Variants in SLC39A12 observed in about 807,000 individuals in gnomAD.
SLC39A12 encodes the protein zinc transporter ZIP12.
A neutral mutation model predicts 71.1 loss-of-function variants in SLC39A12; 63 were observed. That is an observed-to-expected ratio of 0.89 (90% confidence interval 0.72 to 1.09). The LOEUF (loss-of-function observed/expected upper bound fraction) is 1.09. SLC39A12 is among the 50% of genes least tolerant of loss of function. SLC39A12 has a pLI of 0.00. For synonymous variants in SLC39A12, 351 were observed against 301.3 expected, an observed-to-expected ratio of 1.16 and a Z score of -1.71; for missense variants, 892 against 812.6, an observed-to-expected ratio of 1.10 and a Z score of -1.19.
chr10:17,979,360 T>A (rs913863396), intron 5 of SLC39A12, among the ~76,000 whole-genome samples: 11 of 152,182 alleles, frequency 7.2e-5, no homozygotes, highest in Admixed American at 6.5e-4. Flanking sequence ...TCTGAGAAGG[T>A]ATTGTAAAAC....
chr10:17,991,228 G>C lies in SLC39A12; in HGVS notation c.1347G>C (p.Met449Ile). ...HESKGHIWKLMGLIGGIHGFF... is the reference protein window; with the variant it reads ...HESKGHIWKLIGLIGGIHGFF... Reference sequence around the variant, plus strand: ...GCAAAGGTCATATTTGGAAACTGATGGGATTAATTGGAGGCATCCATGGAT... The same window carrying C: ...GCAAAGGTCATATTTGGAAACTGATCGGATTAATTGGAGGCATCCATGGAT... The change falls in exon 8 of 13, where the codon ATG becomes ATC. Residue 449 changes from methionine (M) to isoleucine (I), a missense_variant. Met to Ile is a conservative substitution (Grantham distance 10, BLOSUM62 1). Coordinates refer to ENST00000377369, the MANE Select transcript of SLC39A12 (RefSeq NM_001145195.2). The C allele has an allele frequency of 6.3e-7, 1 of 1,597,150 alleles. No homozygotes were observed. The highest frequency in any genetic ancestry group is 8.5e-7 in the Non-Finnish European group (1 of 1,173,454).
At chr10:18,023,729 T>C (rs528944180) in intron 12 of SLC39A12, among the ~76,000 whole-genome samples, 55 of 152,144 alleles carry the variant, frequency 3.6e-4, no homozygotes, top group African/African-American at 1.3e-3. Flanking sequence ...AGCCCAAGGG[T>C]AGCAAGGGTA....
intron 5 of SLC39A12, among the ~76,000 whole-genome samples, chr10:17,980,423 A>C (rs1308017969): frequency 1.3e-5 from 2 of 152,182 alleles, no homozygotes; most frequent in African/African-American, 4.8e-5. Flanking sequence ...ATCGCAACTA[A>C]AGATCACAAA....
chr10:17,995,474 C>T (rs949810099), intron 9 of SLC39A12, among the ~76,000 whole-genome samples, 182 bp from the exon 10 acceptor site: 8 of 152,194 alleles, frequency 5.3e-5, no homozygotes, highest in African/African-American at 1.9e-4. Context: ...GTGCAAAAGG[C>T]TTGCTTTGCC....
chr10:18,021,915 T>A (rs1009188810), intron 12 of SLC39A12, among the ~76,000 whole-genome samples: 2 of 152,198 alleles, frequency 1.3e-5, no homozygotes, highest in East Asian at 3.8e-4. Flanking sequence ...TGGTTGAAAT[T>A]TGTTTTCTTT....
rs35228459 is a variant in SLC39A12, at chr10:18,013,346, TTTATTATTATTA to T, written c.1947+10016_1947+10027del. 2.8e-3 allele frequency among the ~76,000 whole-genome samples: 398 copies of T among 139,828 alleles called. 3 individuals are homozygous for T. The highest frequency in any genetic ancestry group is 9.9e-3 in the African/African-American group (364 of 36,716). 91.7% of individuals were successfully genotyped at this position (139,828 alleles called of 152,430 possible). A position where few individuals can be genotyped will look rare whatever the true frequency, so the allele number is the denominator to read the frequency against. Reference sequence around the variant, plus strand: ...GGTATTAGGTAAACATCCAACTTTATTTATTATTATTATTATTATTATTATTATTATTATTAT... The same window carrying T: ...GGTATTAGGTAAACATCCAACTTTATTTATTATTATTATTATTATTATTAT... On this transcript the variant is annotated intron_variant, in intron 12 of 12. Coordinates refer to ENST00000377369, the MANE Select transcript of SLC39A12 (RefSeq NM_001145195.2).
intron 4 of SLC39A12, among the ~76,000 whole-genome samples, chr10:17,972,951 T>C (rs1835012898): frequency 6.6e-6 from 1 of 152,116 alleles, no homozygotes; most frequent in African/African-American, 2.4e-5. Context: ...TGATTTTCTC[T>C]GGTGTTATGA....
intron 4 of SLC39A12, among the ~76,000 whole-genome samples, chr10:17,969,138 T>C (rs1452109586): frequency 6.6e-6 from 1 of 152,204 alleles, no homozygotes; most frequent in Non-Finnish European, 1.5e-5. Flanking sequence ...TTTTTATGGC[T>C]GAATGGTATT....
chr10:18,015,331 G>C lies in SLC39A12; in HGVS notation c.1947+11973G>C, dbSNP rs148446313. On this transcript the variant is annotated intron_variant, in intron 12 of 12. Coordinates refer to ENST00000377369, the MANE Select transcript of SLC39A12 (RefSeq NM_001145195.2). ...TCATCAAAAGACTCTAAAAAATTGA[G>C]ATAAAAAATTAGCTGAATGCCTTAT... Among the ~76,000 whole-genome samples the C allele has an allele frequency of 2.6e-5, 4 of 151,988 alleles. No homozygotes were observed. The East Asian group carries it at 7.7e-4, about 29-fold the overall frequency.
rs974391493 is a variant in SLC39A12, at chr10:18,003,268, T to G, written c.1857T>G (p.Ile619Met). Residue 619 changes from isoleucine (I) to methionine (M), a missense_variant, in exon 12 of 13, where the codon ATT becomes ATG. Coordinates refer to ENST00000377369, the MANE Select transcript of SLC39A12 (RefSeq NM_001145195.2). Reference sequence around the variant, plus strand: ...TAACTGCCTTCATGGGATTATACATTGGCCTTTCCGTGTCAGCTGATCCAT... The same window carrying G: ...TAACTGCCTTCATGGGATTATACATGGGCCTTTCCGTGTCAGCTGATCCAT... ...SSLTAFMGLY[I>M]GLSVSADPCV... is the part of the protein sequence containing the mutation. 1 of 1,614,154 alleles carries G rather than the reference T, an allele frequency of 6.2e-7. No homozygotes were observed. The highest frequency in any genetic ancestry group is 8.5e-7 in the Non-Finnish European group (1 of 1,180,010).
At chr10:18,008,903 T>C (rs1262398801) in intron 12 of SLC39A12, among the ~76,000 whole-genome samples, 1 of 152,168 alleles carries the variant, frequency 6.6e-6, no homozygotes, top group Non-Finnish European at 1.5e-5. Context: ...ATTCTCAGAA[T>C]TGGAAATCTA....
At chr10:18,007,166 T>A (rs1836050276) in intron 12 of SLC39A12, 1 of 152,280 alleles carries the variant, frequency 6.6e-6, no homozygotes, top group African/African-American at 2.4e-5. Context: ...ATTCTTCATC[T>A]CTGCTCTCCA....
At chr10:17,977,702 T>C (rs1304395583) in intron 4 of SLC39A12, among the ~76,000 whole-genome samples, 200 bp from the exon 5 acceptor site, 2 of 152,218 alleles carry the variant, frequency 1.3e-5, no homozygotes, top group African/African-American at 4.8e-5. Context: ...ATCTTTAATT[T>C]ACATTTTTAT....
At chr10:18,017,336 T>A (rs186423832) in intron 12 of SLC39A12, among the ~76,000 whole-genome samples, 4 of 152,228 alleles carry the variant, frequency 2.6e-5, no homozygotes, top group Admixed American at 2.6e-4. Flanking sequence ...TGAGACAGAG[T>A]CTCACTTTGT....
intron 2 of SLC39A12, among the ~76,000 whole-genome samples, chr10:17,958,547 C>T (rs558711413): frequency 6.6e-6 from 1 of 152,264 alleles, no homozygotes; most frequent in East Asian, 1.9e-4. Context: ...GGGTCCACAG[C>T]CTGTGTTCTC....
chr10:18,041,046 C>T (rs1209849397), intron 12 of SLC39A12, among the ~76,000 whole-genome samples: 1 of 151,976 alleles, frequency 6.6e-6, no homozygotes, highest in Non-Finnish European at 1.5e-5. Context: ...CCCAAAATGG[C>T]AAGATTGAGT....
intron 4 of SLC39A12, among the ~76,000 whole-genome samples, chr10:17,966,800 G>A (rs114460058): frequency 0.014 from 2,048 of 151,676 alleles, 39 homozygotes; most frequent in African/African-American, 0.043. Context: ...TGAAACCTAC[G>A]TCTCTACTAA....
rs927718117 is a variant in SLC39A12, at chr10:18,017,780, G to A, written c.1947+14422G>A. Among the ~76,000 whole-genome samples, 128 of 152,272 alleles carry A rather than the reference G, an allele frequency of 8.4e-4. 1 individual carries two copies. The highest frequency in any genetic ancestry group is 2.9e-3 in the African/African-American group (120 of 41,548). On this transcript the variant is annotated intron_variant, in intron 12 of 12. Transcript: ENST00000377369. ...GCAACACAGCAGTGTCTTGATTCCT[G>A]TAACATTATAGTAAGTCTTGAAGTC...
At chr10:18,036,974 T>TCTGCGTTTCACCATATTGGCCAGG (rs1201785711) in intron 12 of SLC39A12, among the ~76,000 whole-genome samples, 5 of 150,784 alleles carry the variant, frequency 3.3e-5, no homozygotes, top group African/African-American at 1.2e-4. Flanking sequence ...TTTAATAGAG[T>TCTGCGTTTCACCATATTGGCCAGG]CTGCGTTTCA....
Sources: allele counts gnomAD v4.1 joint callset (sites outside exome capture counted in the v4.1 genomes callset), GRCh38; gene constraint gnomAD v4.1.1; transcripts MANE v1.5; gene names NCBI Gene and HGNC (gene_info 2026-07-23, HGNC 2026-07-21).